Variants in WDR59 observed in about 807,000 individuals in gnomAD.
WDR59 encodes WD repeat domain 59.
In WDR59, 100 loss-of-function variants were observed where a neutral mutation model predicts 131.2. The observed-to-expected ratio is 0.76, with a 90% CI of 0.65 to 0.90. The LOEUF is 0.90. Ranked by LOEUF, WDR59 falls within the 40% of genes least tolerant of loss-of-function variation. The pLI, the probability that WDR59 is intolerant of heterozygous loss-of-function variation, is 0.00. For synonymous variants in WDR59, 601 were observed against 466.2 expected, an observed-to-expected ratio of 1.29 and a Z score of -3.72; for missense variants, 1,203 against 1,262.2, an observed-to-expected ratio of 0.95 and a Z score of 0.71.
chr16:74,877,066 A>C lies in WDR59; in HGVS notation c.2690-2622T>G, dbSNP rs144498001. Among the ~76,000 whole-genome samples the C allele has an allele frequency of 1.8e-3, 271 of 152,158 alleles. 2 individuals carry two copies. Among genetic ancestry groups the C allele is most frequent in the African/African-American group, 6.3e-3 (263 of 41,508 alleles). ...TACCACTTGCAAGTATGAGATATGA[A>C]TCTGTATTCAAGATAATTGATGTGT... On this transcript the variant is annotated intron_variant, in intron 25 of 25. Coordinates refer to ENST00000262144, the MANE Select transcript of WDR59 (RefSeq NM_030581.4).
At chr16:74,981,654 A>ATTTTT in intron 1 of WDR59, among the ~76,000 whole-genome samples, 1 of 10,582 alleles carries the variant, frequency 9.5e-5, no homozygotes, top group South Asian at 5.7e-3. Flanking sequence ...ATATATATAT[A>ATTTTT]TATATATTTT....
chr16:74,968,083 T>G lies in WDR59; in HGVS notation c.55-2261A>C, dbSNP rs561140298. Among the ~76,000 whole-genome samples, 7 of 152,192 alleles carry G rather than the reference T, an allele frequency of 4.6e-5. No individual in the cohort carries two copies. The South Asian group carries it at 1.5e-3, about 32-fold the overall frequency. On this transcript the variant is annotated intron_variant, in intron 1 of 25. Coordinates refer to ENST00000262144, the MANE Select transcript of WDR59 (RefSeq NM_030581.4). ...ATTATATGACTCCACCTAAAGCAGA[T>G]GAACTCATAGAAACAAAAAGTAGAA...
At chr16:74,954,825 T>C (rs2033201206) in intron 3 of WDR59, among the ~76,000 whole-genome samples, 1 of 152,218 alleles carries the variant, frequency 6.6e-6, no homozygotes, top group Non-Finnish European at 1.5e-5. Flanking sequence ...ATGGATGAAC[T>C]TCAAAACATT....
At chr16:74,906,175 G>A (rs182384657) in intron 17 of WDR59, among the ~76,000 whole-genome samples, 27 of 151,706 alleles carry the variant, frequency 1.8e-4, no homozygotes, top group South Asian at 4.2e-4. Flanking sequence ...TTAGCCGGGC[G>A]TGGTGGCGGG....
intron 25 of WDR59, among the ~76,000 whole-genome samples, chr16:74,884,628 G>T (rs889344043): frequency 6.6e-6 from 1 of 152,192 alleles, no homozygotes; most frequent in South Asian, 2.1e-4. Flanking sequence ...GATTACAGGC[G>T]TAAGTCACCA....
intron 18 of WDR59, among the ~76,000 whole-genome samples, chr16:74,894,161 A>G (rs887481465): frequency 6.6e-6 from 1 of 152,214 alleles, no homozygotes; most frequent in African/African-American, 2.4e-5. Flanking sequence ...GATTGAATTC[A>G]GTCCTAGGTT....
intron 7 of WDR59, among the ~76,000 whole-genome samples, chr16:74,940,668 C>G (rs1375481482): frequency 1.3e-5 from 2 of 152,038 alleles, no homozygotes; most frequent in Non-Finnish European, 2.9e-5. Context: ...CTACAACTCA[C>G]CTGAGCAGAA....
At chr16:74,932,761 T>C (rs2031500072) in intron 8 of WDR59, among the ~76,000 whole-genome samples, 1 of 152,174 alleles carries the variant, frequency 6.6e-6, no homozygotes, top group South Asian at 2.1e-4. Flanking sequence ...AGTGCTGGGA[T>C]TACAGGGGTG....
chr16:74,879,350 C>A (rs1365568461), intron 25 of WDR59, among the ~76,000 whole-genome samples: 1 of 152,112 alleles, frequency 6.6e-6, no homozygotes, highest in African/African-American at 2.4e-5. Context: ...GAGTGAGACC[C>A]TGTCTCAAAA....
chr16:74,960,743 G>C, intron 2 of WDR59, among the ~76,000 whole-genome samples: 1 of 115,346 alleles, frequency 8.7e-6, no homozygotes, highest in Non-Finnish European at 1.7e-5. Context: ...GCAAGATTCC[G>C]TCTCAAAAAT....
intron 1 of WDR59, among the ~76,000 whole-genome samples, chr16:74,968,249 A>G (rs764544728): frequency 6.6e-6 from 1 of 152,224 alleles, no homozygotes; most frequent in Non-Finnish European, 1.5e-5. Context: ...ATCTATGTCT[A>G]GATGTCAGAG....
chr16:74,889,306 C>T (rs916957535), intron 21 of WDR59, among the ~76,000 whole-genome samples: 12 of 151,764 alleles, frequency 7.9e-5, no homozygotes, highest in Non-Finnish European at 8.8e-5. Context: ...GTGAAAGCGT[C>T]GTGGTCTTTG....
At chr16:74,919,840 A>T (rs1032170072) in intron 10 of WDR59, among the ~76,000 whole-genome samples, 1 of 152,172 alleles carries the variant, frequency 6.6e-6, no homozygotes, top group African/African-American at 2.4e-5. Flanking sequence ...AGTGAAAATC[A>T]AAGCATGAAG....
chr16:74,908,504 A>C (rs1415868427), intron 17 of WDR59, among the ~76,000 whole-genome samples: 1 of 152,250 alleles, frequency 6.6e-6, no homozygotes, highest in African/African-American at 2.4e-5. Flanking sequence ...ATTGTTTGGT[A>C]ATATTAGAAG....
At chr16:74,981,798 G>T (rs1490790684) in intron 1 of WDR59, among the ~76,000 whole-genome samples, 1 of 141,864 alleles carries the variant, frequency 7.0e-6, no homozygotes, top group African/African-American at 2.6e-5. Flanking sequence ...TGGGATTACA[G>T]GTGCATGCCA....
Position 74,910,739 on chromosome 16 carries a change from T to C in WDR59, c.1390-822A>G, listed in dbSNP as rs187665205. ...TGGAACACTAAGCTTGTGGGAGTTA[T>C]TTATATCCTACTGCTGAGTCATCGC... is the stretch of plus-strand genomic sequence containing the variant. On this transcript the variant is annotated intron_variant, in intron 14 of 25. Coordinates refer to ENST00000262144, the MANE Select transcript of WDR59 (RefSeq NM_030581.4). 1.4e-4 allele frequency among the ~76,000 whole-genome samples: 22 copies of C among 152,346 alleles called. No homozygotes were observed. The East Asian group carries it at 3.7e-3, about 25-fold the overall frequency.
intron 8 of WDR59, among the ~76,000 whole-genome samples, chr16:74,927,018 T>A (rs1232097883): frequency 6.6e-6 from 1 of 152,174 alleles, no homozygotes; most frequent in East Asian, 1.9e-4. Context: ...GCACAGCACA[T>A]ATGAACGGGC....
Position 74,963,518 on chromosome 16 carries a change from T to G in WDR59, c.104+2255A>C, listed in dbSNP as rs910588936. 3.3e-5 allele frequency among the ~76,000 whole-genome samples: 5 copies of G among 151,766 alleles called. No individual in the cohort carries two copies. In the South Asian group the frequency reaches 1.0e-3, roughly 31 times the overall value. Reference sequence around the variant, plus strand: ...AAAACCAAATACTACATGTTCTCGCTTATAAGTGTGAGCTGAACAGTGAAA... The same window carrying G: ...AAAACCAAATACTACATGTTCTCGCGTATAAGTGTGAGCTGAACAGTGAAA... On this transcript the variant is annotated intron_variant, in intron 2 of 25. Transcript: ENST00000262144.
At chr16:74,935,767 G>A (rs1450426480) in intron 8 of WDR59, among the ~76,000 whole-genome samples, 3 of 151,966 alleles carry the variant, frequency 2.0e-5, no homozygotes, top group Non-Finnish European at 4.4e-5. Flanking sequence ...GGGAGGCCAA[G>A]GCAGGTAGAG....
Sources: allele counts gnomAD v4.1 joint callset (sites outside exome capture counted in the v4.1 genomes callset), GRCh38; gene constraint gnomAD v4.1.1; transcripts MANE v1.5; gene names NCBI Gene and HGNC (gene_info 2026-07-23, HGNC 2026-07-21).